Variants in CUEDC1 observed in about 807,000 individuals in gnomAD.
CUEDC1 encodes CUE domain-containing protein 1.
In CUEDC1, 30 loss-of-function variants were observed where a neutral mutation model predicts 43.7. The ratio of observed to expected loss-of-function variants is 0.69; its 90% CI spans 0.51 to 0.93. The LOEUF (loss-of-function observed/expected upper bound fraction) is 0.93, where lower values mean the gene tolerates loss of function less well. Among genes scored for constraint, CUEDC1 ranks in the 40% least tolerant of loss-of-function variants. The pLI, the probability that CUEDC1 is intolerant of heterozygous loss-of-function variation, is 0.00. For synonymous variants in CUEDC1, 223 were observed against 223.6 expected, an observed-to-expected ratio of 1.00 and a Z score of 0.02; for missense variants, 486 against 549.0, an observed-to-expected ratio of 0.89 and a Z score of 1.15.
intron 1 of CUEDC1, among the ~76,000 whole-genome samples, chr17:57,905,678 C>T (rs1426668823): frequency 1.3e-5 from 2 of 152,238 alleles, no homozygotes; most frequent in Non-Finnish European, 2.9e-5. Flanking sequence ...ATGCAGCCAA[C>T]ACCTTCCAGT....
chr17:57,910,882 C>A (rs570173205), intron 1 of CUEDC1, among the ~76,000 whole-genome samples: 1 of 152,038 alleles, frequency 6.6e-6, no homozygotes, highest in Non-Finnish European at 1.5e-5. Flanking sequence ...TTCACAGTAC[C>A]CCCTGGCTTT....
intron 1 of CUEDC1, among the ~76,000 whole-genome samples, chr17:57,944,215 T>A (rs564558662): frequency 0.014 from 2,099 of 145,044 alleles, 20 homozygotes; most frequent in African/African-American, 0.036. Flanking sequence ...TATATATTTT[T>A]TTTTTTTTTT....
intron 7 of CUEDC1, 98 bp downstream of exon 7, chr17:57,869,024 C>A: frequency 8.2e-7 from 1 of 1,219,038 alleles, no homozygotes; most frequent in African/African-American, 1.5e-5. Flanking sequence ...CAAGAGTCAG[C>A]TGCATTACAT....
At chr17:57,899,297 C>G (rs2074446240) in intron 1 of CUEDC1, among the ~76,000 whole-genome samples, 1 of 152,218 alleles carries the variant, frequency 6.6e-6, no homozygotes, top group African/African-American at 2.4e-5. Context: ...GGCCTCAGCC[C>G]CTGCTCCGCC....
chr17:57,868,553 A>G (rs1276556353), intron 7 of CUEDC1: 1 of 413,322 alleles, frequency 2.4e-6, no homozygotes, highest in African/African-American at 2.0e-5. Context: ...ACTGCAACGC[A>G]TCTTGGCTCG....
chr17:57,934,040 G>A (rs1463527608), intron 1 of CUEDC1, among the ~76,000 whole-genome samples: 1 of 152,164 alleles, frequency 6.6e-6, no homozygotes, highest in Non-Finnish European at 1.5e-5. Context: ...AGGACTGCTT[G>A]AGCCCAGGAG....
rs571278884 is a variant in CUEDC1 at position 57,873,710 on chromosome 17, C to T, written c.472G>A (p.Ala158Thr). ...APPTPPPRIDALGSGAPTSQR... is the reference protein window; with the variant it reads ...APPTPPPRIDTLGSGAPTSQR... ...CTTGTAGGGGCTCCAGAGCCCAGCG[C>T]GTCGATACTAGGGGATGGCAGGTGA... Residue 158 changes from alanine to threonine, a missense_variant, in exon 4 of 11, where the codon GCG becomes ACG. By Grantham distance (58) the Ala-to-Thr change is moderately conservative. Transcript: ENST00000577830. The T allele has an allele frequency of 1.3e-5, 20 of 1,582,600 alleles. 1 individual carries two copies. Among genetic ancestry groups the T allele is most frequent in the Middle Eastern group, 3.4e-4 (2 of 5,946 alleles).
At chr17:57,882,427 C>T (rs1453396333) in intron 2 of CUEDC1, among the ~76,000 whole-genome samples, 1 of 152,076 alleles carries the variant, frequency 6.6e-6, no homozygotes, top group African/African-American at 2.4e-5. Context: ...GTGGTGAAGC[C>T]TTGCAGAGGT....
chr17:57,934,616 C>T (rs1353556167), intron 1 of CUEDC1, among the ~76,000 whole-genome samples: 4 of 150,596 alleles, frequency 2.7e-5, no homozygotes, highest in African/African-American at 7.3e-5. Flanking sequence ...GGATATGAAC[C>T]CCTATCTTTT....
Position 57,896,767 on chromosome 17 carries a change from C to CTTT in CUEDC1, c.-315-10891_-315-10889dup, listed in dbSNP as rs747788787. 1.5e-3 allele frequency among the ~76,000 whole-genome samples: 170 copies of CTTT among 112,240 alleles called. 1 individual carries two copies. Among genetic ancestry groups the CTTT allele is most frequent in the East Asian group, 1.9e-3 (8 of 4,204 alleles). The allele number at this position is 112,240 out of a possible 152,430, so 73.6% of individuals were successfully genotyped here. On this transcript the variant is annotated intron_variant, in intron 1 of 10. Transcript: ENST00000577830. ...TGATTTTTATATCTTTTTCTTCTTT[C>CTTT]TTTTTTTTTTTTTTTTTTTTTGAGA... is the stretch of plus-strand genomic sequence containing the variant.
intron 1 of CUEDC1, among the ~76,000 whole-genome samples, chr17:57,923,254 C>G (rs1453490751): frequency 6.6e-6 from 1 of 152,202 alleles, no homozygotes; most frequent in Non-Finnish European, 1.5e-5. Context: ...TCTGTCCAGC[C>G]AGGCTAGAGT....
intron 1 of CUEDC1, among the ~76,000 whole-genome samples, chr17:57,938,969 T>G (rs1200879989): frequency 9.6e-6 from 1 of 103,908 alleles, no homozygotes; most frequent in Non-Finnish European, 2.0e-5. Context: ...CCTTTTTTTT[T>G]TTTTTTTTTT....
rs115835378 is a variant in CUEDC1 at position 57,951,185 on chromosome 17, T to G, written c.-316+4040A>C. 6.2e-3 allele frequency among the ~76,000 whole-genome samples: 927 copies of G among 149,998 alleles called. 8 individuals carry two copies. Among genetic ancestry groups the G allele is most frequent in the African/African-American group, 0.021 (868 of 40,730 alleles). On this transcript the variant is annotated intron_variant, in intron 1 of 10. Transcript: ENST00000577830. Reference sequence around the variant, plus strand: ...TTTTCCTTAATAATGAGCCTCAGAATTTGTGTACCGCTGTGCAGAAATGGC... The same window carrying G: ...TTTTCCTTAATAATGAGCCTCAGAAGTTGTGTACCGCTGTGCAGAAATGGC...
At chr17:57,863,967 C>T (rs113278002) in intron 10 of CUEDC1, among the ~76,000 whole-genome samples, 11,399 of 139,852 alleles carry the variant, frequency 0.082, 511 homozygotes, top group Non-Finnish European at 0.1. Context: ...CACCACTGCA[C>T]TCTAGCCTGG....
At chr17:57,949,970 T>C (rs2074990972) in intron 1 of CUEDC1, among the ~76,000 whole-genome samples, 1 of 152,196 alleles carries the variant, frequency 6.6e-6, no homozygotes, top group Non-Finnish European at 1.5e-5. Flanking sequence ...TTTAAACTCT[T>C]GATGTCTCTT....
At chr17:57,891,233 C>A (rs1379786131) in intron 1 of CUEDC1, among the ~76,000 whole-genome samples, 1 of 152,216 alleles carries the variant, frequency 6.6e-6, no homozygotes, top group Non-Finnish European at 1.5e-5. Context: ...ATCCATCCGA[C>A]CTGTGATTCC....
intron 1 of CUEDC1, among the ~76,000 whole-genome samples, chr17:57,916,227 GC>G (rs2074638891): frequency 6.6e-6 from 1 of 152,364 alleles, no homozygotes; most frequent in African/African-American, 2.4e-5. Context: ...GCCGAGGGGG[GC>G]TGAGAGTGTT....
intron 1 of CUEDC1, among the ~76,000 whole-genome samples, chr17:57,927,411 G>C (rs1165211629): frequency 6.9e-6 from 1 of 145,794 alleles, no homozygotes; most frequent in African/African-American, 2.5e-5. Context: ...AAAAAAAAAA[G>C]CCAGAGTTAG....
At chr17:57,867,471 TC>T in intron 8 of CUEDC1, 56 bp from the exon 9 acceptor site, 3 of 1,466,510 alleles carry the variant, frequency 2.0e-6, no homozygotes, top group South Asian at 2.4e-5. Flanking sequence ...GCCCTAGTCC[TC>T]CCAGTCCCAC....
Sources: gnomAD v4.1 joint callset for allele counts (sites outside exome capture counted in the v4.1 genomes callset) on GRCh38, gnomAD v4.1.1 for gene constraint, MANE v1.5 for transcripts, NCBI Gene and HGNC (gene_info 2026-07-23, HGNC 2026-07-21) for gene names.